Variants in NACC2 observed in about 807,000 individuals in gnomAD.
NACC2 encodes NACC family member 2, also known as nucleus accumbens-associated protein 2.
NACC2 carries 8 observed loss-of-function variants against 25.1 expected under a neutral mutation model. The ratio of observed to expected loss-of-function variants is 0.32; its 90% CI spans 0.19 to 0.57. The LOEUF is 0.57. NACC2 is among the 20% of genes least tolerant of loss of function. The pLI is 0.89. For missense variants in NACC2, 644 were observed against 650.2 expected (o/e 0.99, Z 0.10); for synonymous variants, 435 against 294.7 (o/e 1.48, Z -4.88).
chr9:136,038,275 C>T (rs902462218), intron 2 of NACC2, among the ~76,000 whole-genome samples: 1 of 152,174 alleles, frequency 6.6e-6, no homozygotes, highest in African/African-American at 2.4e-5. Flanking sequence ...GTGGCTCATG[C>T]CTATAATCCC....
chr9:136,049,865 G>T lies in NACC2; in HGVS notation c.657C>A (p.Pro219=), dbSNP rs2131162047. Residue 219 remains proline (P), a synonymous_variant, in exon 2 of 6, where the codon CCC becomes CCA. Coordinates refer to ENST00000277554, the MANE Select transcript of NACC2 (RefSeq NM_144653.5). ...TGGGCACCCCGTAGTAGGAGACACGGGGCAGTTTGAGAGGGGCTGTGCCCG... is the reference window on the plus strand; with the variant it reads ...TGGGCACCCCGTAGTAGGAGACACGTGGCAGTTTGAGAGGGGCTGTGCCCG... The part of the protein sequence containing the change: ...VAAGTAPLKL[P]RVSYYGVPSL... 6.2e-6 allele frequency: 4 copies of T among 650,168 alleles called. No individual in the cohort carries two copies. The East Asian group carries it at 1.1e-4, about 18-fold the overall frequency. The allele number at this position is 650,168 out of a possible 1,614,324, so 40.3% of individuals were successfully genotyped here.
Position 136,049,923 on chromosome 9 carries a change from C to A in NACC2, c.599G>T (p.Gly200Val), listed in dbSNP as rs1370919396. ...KRPLETGPRD[G>V]VAVAAGAAVA... ...CGCAGCCCCCGCGGCCACCGCCACG[C>A]CGTCCCGGGGCCCCGTCTCCAGCGG... Residue 200 changes from glycine (G) to valine (V), a missense_variant, in exon 2 of 6, where the codon GGC (glycine) becomes GTC (valine). Transcript: ENST00000277554. 3 of 579,182 alleles carry A rather than the reference C, an allele frequency of 5.2e-6. No homozygotes were observed. The highest frequency in any genetic ancestry group is 9.2e-6 in the Non-Finnish European group (3 of 326,054). 35.9% of individuals were successfully genotyped at this position (579,182 alleles called of 1,614,324 possible). A position where few individuals can be genotyped will look rare whatever the true frequency, so the allele number is the denominator to read the frequency against.
In NACC2 at chr9:136,020,329, C is replaced by A. The variant is rs1387347002; in HGVS notation, c.887-3900G>T. Among the ~76,000 whole-genome samples, 1 of 152,210 alleles carries A rather than the reference C, an allele frequency of 6.6e-6. No individual in the cohort carries two copies. Among genetic ancestry groups the A allele is most frequent in the Admixed American group, 6.5e-5 (1 of 15,292 alleles). ...TGCTCCACGTCCTCACCAGGCAAAA[C>A]ACCCCGAGATCCCTGCCCACGGGCC... On this transcript the variant is annotated intron_variant, in intron 2 of 5. Transcript: ENST00000277554. This position sits in a 1 kb window ranked among gnomAD's most constrained non-coding sequence, Gnocchi z 4.7.
intron 2 of NACC2, among the ~76,000 whole-genome samples, chr9:136,049,390 C>T (rs967204909): frequency 8.5e-5 from 13 of 152,302 alleles, no homozygotes; most frequent in African/African-American, 2.9e-4. Context: ...ACCTGCGTTT[C>T]CTCATCTATC....
chr9:136,047,046 G>T (rs920263011), intron 2 of NACC2, among the ~76,000 whole-genome samples: 4 of 152,138 alleles, frequency 2.6e-5, no homozygotes, highest in Non-Finnish European at 4.4e-5. Context: ...TCAACAGGTA[G>T]GGAGACTGAG....
chr9:136,092,938 G>A (rs1293222900), intron 1 of NACC2, among the ~76,000 whole-genome samples: 1 of 152,204 alleles, frequency 6.6e-6, no homozygotes, highest in Non-Finnish European at 1.5e-5. Context: ...ATGCAGAGAG[G>A]CAGCCTGGGG....
At chr9:136,087,228 C>T (rs545734567) in intron 1 of NACC2, among the ~76,000 whole-genome samples, 10 of 152,334 alleles carry the variant, frequency 6.6e-5, no homozygotes, top group African/African-American at 2.4e-4. Context: ...CCTGAAGATG[C>T]ACAGAGTGTC....
intron 2 of NACC2, among the ~76,000 whole-genome samples, chr9:136,046,730 G>A (rs887157975): frequency 9.8e-5 from 15 of 152,296 alleles, no homozygotes; most frequent in East Asian, 3.9e-4. Context: ...GAAATCAAAC[G>A]TGGCGGCTCC....
At chr9:136,060,283 A>C (rs1457812663) in intron 1 of NACC2, among the ~76,000 whole-genome samples, 1 of 152,160 alleles carries the variant, frequency 6.6e-6, no homozygotes, top group Non-Finnish European at 1.5e-5. Context: ...AGAGGGAAAA[A>C]CGGCGGAAGG....
intron 2 of NACC2, among the ~76,000 whole-genome samples, chr9:136,033,017 CA>C (rs1001334079): frequency 6.8e-6 from 1 of 148,020 alleles, no homozygotes; most frequent in African/African-American, 2.5e-5. Context: ...GATTCCATCT[CA>C]AAAAAAAATA....
chr9:136,037,859 A>G (rs186045851), intron 2 of NACC2, among the ~76,000 whole-genome samples: 2 of 140,102 alleles, frequency 1.4e-5, no homozygotes, highest in African/African-American at 5.5e-5. Context: ...TTATATGGTT[A>G]AAAAAAAAAT....
chr9:136,083,457 C>T (rs531713847), intron 1 of NACC2, among the ~76,000 whole-genome samples: 2 of 152,210 alleles, frequency 1.3e-5, no homozygotes, highest in African/African-American at 4.8e-5. Context: ...TCCACATGCA[C>T]CCCAAACTCG....
chr9:136,059,051 G>A (rs1487466765), intron 1 of NACC2, among the ~76,000 whole-genome samples: 1 of 152,232 alleles, frequency 6.6e-6, no homozygotes, highest in Non-Finnish European at 1.5e-5. Context: ...CTGGGTCAGG[G>A]GCAGGGGAGA....
intron 1 of NACC2, among the ~76,000 whole-genome samples, chr9:136,063,343 G>A (rs898405519): frequency 6.6e-6 from 1 of 152,238 alleles, no homozygotes; most frequent in Non-Finnish European, 1.5e-5. Flanking sequence ...GGCCAATGAG[G>A]GGCTCGAGTC....
intron 1 of NACC2, among the ~76,000 whole-genome samples, chr9:136,085,717 G>A (rs1343550768): frequency 6.6e-6 from 1 of 152,204 alleles, no homozygotes; most frequent in Non-Finnish European, 1.5e-5. Context: ...TCGGGAAAAT[G>A]TTCTTTGTAC....
chr9:136,014,044 A>C, intron 3 of NACC2, 75 bp from the exon 4 acceptor site: 3 of 181,310 alleles, frequency 1.7e-5, no homozygotes, highest in Non-Finnish European at 3.2e-5. Context: ...CAGATGGGTG[A>C]GGGGGAGGGG....
chr9:136,078,218 G>A (rs979737806), intron 1 of NACC2, among the ~76,000 whole-genome samples: 1 of 152,148 alleles, frequency 6.6e-6, no homozygotes, highest in Non-Finnish European at 1.5e-5. Context: ...CCACCACCTG[G>A]CAGGGGTCCC....
intron 1 of NACC2, among the ~76,000 whole-genome samples, chr9:136,063,102 T>G (rs1426610616): frequency 6.6e-6 from 1 of 152,206 alleles, no homozygotes; most frequent in Non-Finnish European, 1.5e-5. Flanking sequence ...ACCCCGGGAC[T>G]GTTTCTGTGT....
intron 1 of NACC2, among the ~76,000 whole-genome samples, chr9:136,083,833 G>T (rs1423160487): frequency 6.6e-6 from 1 of 152,224 alleles, no homozygotes; most frequent in Admixed American, 6.5e-5. Context: ...CTGCTGAGGG[G>T]ACCCCCGGCC....
Sources: allele counts gnomAD v4.1 joint callset (sites outside exome capture counted in the v4.1 genomes callset), GRCh38; gene constraint gnomAD v4.1.1; non-coding constraint Gnocchi (gnomAD v3.1); transcripts MANE v1.5; gene names NCBI Gene and HGNC (gene_info 2026-07-23, HGNC 2026-07-21).